DNM2: variants seen among roughly 807,000 people sequenced by gnomAD.
The protein encoded by DNM2 is dynamin-2.
DNM2 carries 15 observed loss-of-function variants against 99.0 expected under a neutral mutation model. The ratio of observed to expected loss-of-function variants is 0.15; its 90% CI spans 0.10 to 0.23. The LOEUF is 0.23. Ranked by LOEUF, DNM2 falls within the 10% of genes least tolerant of loss-of-function variation. The probability of loss-of-function intolerance (pLI) is 1.00; values close to 1 mark genes in which losing one functional copy is unlikely to be tolerated. For synonymous variants in DNM2, 525 were observed against 481.2 expected, an observed-to-expected ratio of 1.09 and a Z score of -1.19; for missense variants, 742 against 1,189.4, an observed-to-expected ratio of 0.62 and a Z score of 5.53.
chr19:10,801,591 G>GAGCAAGAC (rs2072144491), intron 11 of DNM2, among the ~76,000 whole-genome samples: 2 of 134,216 alleles, frequency 1.5e-5, no homozygotes, highest in East Asian at 2.6e-4. Context: ...CTGGGAGACA[G>GAGCAAGAC]TAAGTTCTTT....
intron 12 of DNM2, among the ~76,000 whole-genome samples, chr19:10,804,809 A>G (rs1262759842): frequency 6.6e-6 from 1 of 152,242 alleles, no homozygotes; most frequent in East Asian, 1.9e-4. Flanking sequence ...TTCCTGATCT[A>G]GAAACAGAAG....
Position 10,825,043 on chromosome 19 carries a change from C to G in DNM2, c.1894-14C>G. 1 of 1,613,878 alleles carries G rather than the reference C, an allele frequency of 6.2e-7. No individual in the cohort carries two copies. The highest frequency in any genetic ancestry group is 1.7e-5 in the Admixed American group (1 of 60,022). ...GCCACAGTCACCCCTCAGCACCTCC[C>G]CTCCCGCTTGCAGGCAGAAAACGAG... On this transcript the variant is annotated splice_polypyrimidine_tract_variant and intron_variant, in intron 17 of 20. Transcript: ENST00000389253.
At chr19:10,819,192 G>A (rs1429580610) in intron 15 of DNM2, among the ~76,000 whole-genome samples, 2 of 152,138 alleles carry the variant, frequency 1.3e-5, no homozygotes, top group Admixed American at 6.5e-5. Flanking sequence ...TGGGAGGCTC[G>A]CTTGAACCCA....
chr19:10,743,075 G>A (rs116636051), intron 1 of DNM2, among the ~76,000 whole-genome samples: 12 of 151,788 alleles, frequency 7.9e-5, no homozygotes, highest in African/African-American at 2.9e-4. Flanking sequence ...CACCACGCCC[G>A]GCTAATTTTT....
intron 7 of DNM2, among the ~76,000 whole-genome samples, chr19:10,789,547 A>T (rs961643391): frequency 6.6e-6 from 1 of 151,984 alleles, no homozygotes; most frequent in Non-Finnish European, 1.5e-5. Flanking sequence ...AAAAAAAAAA[A>T]TTAGGCTGGG....
intron 1 of DNM2, among the ~76,000 whole-genome samples, chr19:10,739,941 T>G (rs1331863317): frequency 6.6e-6 from 1 of 152,006 alleles, no homozygotes; most frequent in Non-Finnish European, 1.5e-5. Flanking sequence ...GGACGTTTTT[T>G]GAATACTAAT....
intron 1 of DNM2, among the ~76,000 whole-genome samples, chr19:10,723,558 G>A (rs898980888): frequency 2.0e-5 from 3 of 152,138 alleles, no homozygotes; most frequent in Non-Finnish European, 2.9e-5. Flanking sequence ...GTAAGCCACC[G>A]CGCCCAGCCC....
intron 2 of DNM2, among the ~76,000 whole-genome samples, chr19:10,766,045 G>T (rs1261407161): frequency 6.6e-6 from 1 of 152,142 alleles, no homozygotes; most frequent in East Asian, 1.9e-4. Context: ...TTGCATTTTG[G>T]GGAAACTGAG....
intron 1 of DNM2, among the ~76,000 whole-genome samples, chr19:10,755,736 T>C (rs1456815981): frequency 2.0e-5 from 3 of 152,042 alleles, no homozygotes; most frequent in African/African-American, 4.8e-5. Context: ...CGATCTCGGC[T>C]CACTACAATC....
intron 2 of DNM2, 126 bp downstream of exon 2, chr19:10,759,937 A>G (rs2070560730): frequency 7.6e-7 from 1 of 1,317,564 alleles, no homozygotes; most frequent in Non-Finnish European, 1.1e-6. Flanking sequence ...CACGTGTTCC[A>G]CATGTGTGAG....
chr19:10,819,900 G>A (rs1184819211), intron 15 of DNM2, 80 bp from the exon 16 acceptor site: 9 of 1,318,740 alleles, frequency 6.8e-6, no homozygotes, highest in South Asian at 3.5e-5. Flanking sequence ...TGGTGGTGGC[G>A]CATGCTACAC....
intron 10 of DNM2, among the ~76,000 whole-genome samples, chr19:10,798,009 GA>G (rs2071998539): frequency 6.6e-6 from 1 of 152,126 alleles, no homozygotes; most frequent in Non-Finnish European, 1.5e-5. Context: ...GGCATTTGGC[GA>G]GTGTGTGCCA....
chr19:10,791,996 G>A lies in DNM2; in HGVS notation c.993-1724G>A, dbSNP rs1165887491. ...CCAGCTACTGGAGAGGCTGAGGCAGGAGAATCACTTGAACCCGGCAGGCGG... is the reference window on the plus strand; with the variant it reads ...CCAGCTACTGGAGAGGCTGAGGCAGAAGAATCACTTGAACCCGGCAGGCGG... On this transcript the variant is annotated intron_variant, in intron 7 of 20. Transcript: ENST00000389253. Among the ~76,000 whole-genome samples, 9 of 152,324 alleles carry A rather than the reference G, an allele frequency of 5.9e-5. No individual in the cohort carries two copies. In the South Asian group the frequency reaches 1.9e-3, roughly 32 times the overall value.
chr19:10,735,948 A>G (rs2069507727), intron 1 of DNM2, among the ~76,000 whole-genome samples: 1 of 152,130 alleles, frequency 6.6e-6, no homozygotes, highest in African/African-American at 2.4e-5. Context: ...TCCTTTCTCC[A>G]AAACCACATA....
chr19:10,765,191 C>T lies in DNM2; in HGVS notation c.235+5380C>T, dbSNP rs540402607. Among the ~76,000 whole-genome samples the T allele has an allele frequency of 9.8e-4, 150 of 152,300 alleles. 1 individual carries two copies. Among genetic ancestry groups the T allele is most frequent in the South Asian group, 2.7e-3 (13 of 4,828 alleles). On this transcript the variant is annotated intron_variant, in intron 2 of 20. Coordinates refer to ENST00000389253, the MANE Select transcript of DNM2 (RefSeq NM_001005361.3). This position sits in a 1 kb window ranked among gnomAD's most constrained non-coding sequence, Gnocchi z 4.4. ...GCCAGGATGGTCTCGATCTCCTGACCTCGTGATCCGCCCACCTCGGCCTCC... is the reference window on the plus strand; with the variant it reads ...GCCAGGATGGTCTCGATCTCCTGACTTCGTGATCCGCCCACCTCGGCCTCC...
chr19:10,718,115 G>C lies in DNM2; in HGVS notation c.-128G>C. The C allele has an allele frequency of 1.8e-6, 2 of 1,100,778 alleles. No individual in the cohort carries two copies. The highest frequency in any genetic ancestry group is 2.3e-6 in the Non-Finnish European group (2 of 863,888). 68.2% of individuals were successfully genotyped at this position (1,100,778 alleles called of 1,614,324 possible). On this transcript the variant is annotated 5_prime_UTR_variant, in exon 1 of 21. Transcript: ENST00000389253. ...GAGGCGGCGACCGTGAGGCCGAGCC[G>C]GGAGCGGGCGTCTTGCCGAGGCCCG...
intron 11 of DNM2, among the ~76,000 whole-genome samples, chr19:10,799,190 G>A (rs938480090): frequency 1.3e-5 from 2 of 152,100 alleles, no homozygotes; most frequent in Admixed American, 6.6e-5. Context: ...TCGTGCCATC[G>A]CCCTCCAGCC....
At chr19:10,808,974 C>A in intron 14 of DNM2, 1 of 196,204 alleles carries the variant, frequency 5.1e-6, no homozygotes, top group Non-Finnish European at 1.1e-5. Flanking sequence ...ATCTCCTATG[C>A]AGATGTCACT....
Position 10,777,209 on chromosome 19 carries a change from G to A in DNM2, c.681G>A (p.Leu227=), listed in dbSNP as rs770225926. 9.9e-6 allele frequency: 16 copies of A among 1,614,184 alleles called. No homozygotes were observed. The highest frequency in any genetic ancestry group is 1.6e-4 in the Middle Eastern group (1 of 6,062). ...TCTTGGAGAACAAGTTGCTCCCGTT[G>A]AGAAGAGGTGTGGCTTTGGGGGTGC... The part of the protein sequence containing the change: ...RDVLENKLLP[L]RRGYIGVVNR... Residue 227 remains leucine (L), a synonymous_variant, in exon 5 of 21, where the codon TTG becomes TTA. Transcript: ENST00000389253.
Sources: allele counts gnomAD v4.1 joint callset (sites outside exome capture counted in the v4.1 genomes callset), GRCh38; gene constraint gnomAD v4.1.1; non-coding constraint Gnocchi (gnomAD v3.1); transcripts MANE v1.5; gene names NCBI Gene and HGNC (gene_info 2026-07-23, HGNC 2026-07-21).